TRAPPC3L: variants seen among roughly 807,000 people sequenced by gnomAD.
The protein encoded by TRAPPC3L is trafficking protein particle complex subunit 3-like protein.
TRAPPC3L carries 23 observed loss-of-function variants against 23.7 expected under a neutral mutation model. The ratio of observed to expected loss-of-function variants is 0.97; its 90% confidence interval spans 0.70 to 1.37. TRAPPC3L has a LOEUF of 1.37. TRAPPC3L is among the 40% of genes most tolerant of loss of function. The pLI is 0.00. For missense variants in TRAPPC3L, 212 were observed against 216.8 expected, an observed-to-expected ratio of 0.98 and a Z score of 0.14; for synonymous variants, 81 against 77.9, an observed-to-expected ratio of 1.04 and a Z score of -0.21.
intron 4 of TRAPPC3L, 37 bp downstream of exon 4, chr6:116,500,444 G>A (rs1338817449): frequency 6.6e-7 from 1 of 1,509,474 alleles, no homozygotes; most frequent in Admixed American, 2.1e-5. Context: ...GAAGGACTAA[G>A]AGATTCTTCA....
intron 2 of TRAPPC3L, 35 bp downstream of exon 2, chr6:116,543,268 C>T: frequency 6.8e-7 from 1 of 1,474,220 alleles, no homozygotes; most frequent in Non-Finnish European, 9.2e-7. Flanking sequence ...TAAGAAACAA[C>T]AGCCATTCAA....
intron 3 of TRAPPC3L, among the ~76,000 whole-genome samples, chr6:116,534,936 T>A (rs146643395): frequency 6.6e-6 from 1 of 152,338 alleles, no homozygotes; most frequent in Non-Finnish European, 1.5e-5. Context: ...GACAACAAAG[T>A]AATGTGATAT....
intron 3 of TRAPPC3L, chr6:116,511,859 C>T (rs545982046): frequency 6.2e-7 from 1 of 1,614,060 alleles, no homozygotes; most frequent in East Asian, 2.2e-5. Context: ...GCTGGTTTTC[C>T]TCTTTGCTCC....
At chr6:116,521,005 A>G (rs1355721596) in intron 3 of TRAPPC3L, 4 of 151,864 alleles carry the variant, frequency 2.6e-5, no homozygotes, top group African/African-American at 9.7e-5. Context: ...TAAACATAAC[A>G]GTGGTATGTT....
chr6:116,500,789 G>C (rs1771899800), intron 3 of TRAPPC3L, 123 bp from the exon 4 acceptor site: 1 of 825,866 alleles, frequency 1.2e-6, no homozygotes, highest in South Asian at 1.6e-5. Flanking sequence ...TCTATAGTCA[G>C]GAAGTCCGGC....
chr6:116,532,812 C>G (rs1363055894), intron 3 of TRAPPC3L, among the ~76,000 whole-genome samples: 1 of 152,202 alleles, frequency 6.6e-6, no homozygotes, highest in Non-Finnish European at 1.5e-5. Context: ...CATTGCTCTG[C>G]TTTCATAATA....
Position 116,540,393 on chromosome 6 carries a change from A to T in TRAPPC3L, c.210T>A (p.Ser70Arg). ...CAATTATGTCTATAATTTCTGAATA[A>T]CTATGGCATCTTCCCACGCAGGATC... Reference protein sequence around the residue: ...LARSCVGRCHSYSEIIDIIAQ... With the variant: ...LARSCVGRCHRYSEIIDIIAQ... Residue 70 changes from serine (S) to arginine (R), a missense_variant, in exon 3 of 5, where the codon AGT (serine) becomes AGA (arginine). Physicochemically the swap from Ser to Arg is moderately radical, Grantham distance 110. Transcript: ENST00000368602. The T allele has an allele frequency of 1.3e-6, 2 of 1,551,358 alleles. No individual in the cohort carries two copies. Among genetic ancestry groups the T allele is most frequent in the South Asian group, 2.4e-5 (2 of 84,058 alleles).
chr6:116,515,511 A>G, intron 3 of TRAPPC3L: 1 of 1,332,224 alleles, frequency 7.5e-7, no homozygotes, highest in African/African-American at 1.5e-5. Flanking sequence ...GACTGTGGTA[A>G]TAATTTAGCT....
intron 3 of TRAPPC3L, chr6:116,515,922 G>T (rs1437077969): frequency 1.2e-6 from 2 of 1,613,670 alleles, no homozygotes; most frequent in Admixed American, 1.7e-5. Context: ...GTGGACAATG[G>T]TCTGCAACTT....
Position 116,496,770 on chromosome 6 carries a change from G to T in TRAPPC3L, c.*184C>A. 1 of 770,934 alleles carries T rather than the reference G, an allele frequency of 1.3e-6. No individual in the cohort carries two copies. Among genetic ancestry groups the T allele is most frequent in the Non-Finnish European group, 1.9e-6 (1 of 532,236 alleles). 47.8% of individuals were successfully genotyped at this position (770,934 alleles called of 1,614,324 possible). On this transcript the variant is annotated 3_prime_UTR_variant, in exon 5 of 5. Coordinates refer to ENST00000368602, the MANE Select transcript of TRAPPC3L (RefSeq NM_001139444.3). ...ATTTTGTGGACATGAGATTGAAAAT[G>T]CGTGATTTATAAGCAAAAGGAAAAA... is the stretch of plus-strand genomic sequence containing the variant.
In TRAPPC3L at chr6:116,545,350, C is replaced by T. The variant is rs1012973354; in HGVS notation, c.42+123G>A. ...TAGATGTGTCATTTATGATTCACTTCGCTGAACACTGTCTTTCCTCCACTA... is the reference window on the plus strand; with the variant it reads ...TAGATGTGTCATTTATGATTCACTTTGCTGAACACTGTCTTTCCTCCACTA... On this transcript the variant is annotated intron_variant, in intron 1 of 4. Coordinates refer to ENST00000368602, the MANE Select transcript of TRAPPC3L (RefSeq NM_001139444.3). 40 of 704,796 alleles carry T rather than the reference C, an allele frequency of 5.7e-5. No individual in the cohort carries two copies. The Middle Eastern group carries it at 1.2e-3, about 21-fold the overall frequency. 43.7% of individuals were successfully genotyped at this position (704,796 alleles called of 1,614,324 possible).
chr6:116,495,900 G>A lies in TRAPPC3L; in HGVS notation c.*1054C>T, dbSNP rs932035758. 6.6e-6 allele frequency: 1 copy of A among 152,040 alleles called. No homozygotes were observed. Among genetic ancestry groups the A allele is most frequent in the African/African-American group, 2.4e-5 (1 of 41,398 alleles). 9.4% of individuals were successfully genotyped at this position (152,040 alleles called of 1,614,324 possible). A position where few individuals can be genotyped will look rare whatever the true frequency, so the allele number is the denominator to read the frequency against. ...TTAATTTTTTCCTATGGAGTTGGTT[G>A]AACTCCTTATATATTCTGGTTATTA... On this transcript the variant is annotated 3_prime_UTR_variant, in exon 5 of 5. Transcript: ENST00000368602.
At chr6:116,531,809 C>T (rs973589839) in intron 3 of TRAPPC3L, among the ~76,000 whole-genome samples, 1 of 151,330 alleles carries the variant, frequency 6.6e-6, no homozygotes, top group Non-Finnish European at 1.5e-5. Context: ...ACCTTCTACA[C>T]TCATATAATA....
intron 3 of TRAPPC3L, chr6:116,516,218 C>T: frequency 2.3e-6 from 1 of 434,390 alleles, no homozygotes; most frequent in Non-Finnish European, 4.0e-6. Flanking sequence ...GAGAGGGGCT[C>T]AGTAGGCCTA....
intron 3 of TRAPPC3L, among the ~76,000 whole-genome samples, chr6:116,505,574 A>C (rs1771989767): frequency 6.6e-6 from 1 of 152,190 alleles, no homozygotes; most frequent in Non-Finnish European, 1.5e-5. Flanking sequence ...AATCCTAAGC[A>C]AAAAGAACAA....
rs1305021994 is a variant in TRAPPC3L at position 116,502,599 on chromosome 6, GA to G, written c.241-1934del. On this transcript the variant is annotated intron_variant, in intron 3 of 4. Coordinates refer to ENST00000368602, the MANE Select transcript of TRAPPC3L (RefSeq NM_001139444.3). ...CAGATTCACCAAGGTTGAAATGAAG[GA>G]AAAAATGTTAAGAGCAGCCAGAGAG... Among the ~76,000 whole-genome samples the G allele has an allele frequency of 2.0e-5, 3 of 152,262 alleles. No individual in the cohort carries two copies. The East Asian group carries it at 5.8e-4, about 29-fold the overall frequency.
At chr6:116,529,611 A>G (rs1162362632) in intron 3 of TRAPPC3L, among the ~76,000 whole-genome samples, 2 of 152,178 alleles carry the variant, frequency 1.3e-5, no homozygotes, top group African/African-American at 4.8e-5. Context: ...CCCCCTCTCC[A>G]TGTCCTGCAA....
At chr6:116,526,462 A>T (rs1003612487) in intron 3 of TRAPPC3L, among the ~76,000 whole-genome samples, 1 of 152,194 alleles carries the variant, frequency 6.6e-6, no homozygotes, top group East Asian at 1.9e-4. Flanking sequence ...TCACTTGGAG[A>T]GCATTTAAAA....
intron 3 of TRAPPC3L, among the ~76,000 whole-genome samples, chr6:116,503,280 G>A (rs1390485198): frequency 3.3e-5 from 5 of 152,094 alleles, no homozygotes. Flanking sequence ...GACAAAGAAG[G>A]CCATTACATA....
Sources: gnomAD v4.1 joint callset for allele counts (sites outside exome capture counted in the v4.1 genomes callset) on GRCh38, gnomAD v4.1.1 for gene constraint, MANE v1.5 for transcripts, NCBI Gene and HGNC (gene_info 2026-07-23, HGNC 2026-07-21) for gene names.